The following SCAMP1 variants were observed in gnomAD, a reference collection of about 807,000 sequenced individuals.
SCAMP1 encodes the protein secretory carrier-associated membrane protein 1.
SCAMP1 carries 15 observed loss-of-function variants against 41.8 expected under a neutral mutation model. The observed-to-expected ratio is 0.36, with a 90% CI of 0.24 to 0.55. The LOEUF (loss-of-function observed/expected upper bound fraction) is 0.55. SCAMP1 is among the 20% of genes least tolerant of loss of function. The probability of loss-of-function intolerance (pLI) is 0.86; values close to 1 mark genes in which losing one functional copy is unlikely to be tolerated. For missense variants in SCAMP1, 341 were observed against 412.6 expected (o/e 0.83, Z 1.50); for synonymous variants, 135 against 136.8 (o/e 0.99, Z 0.09).
At chr5:78,427,875 CT>C (rs1158531545) in intron 6 of SCAMP1, among the ~76,000 whole-genome samples, 4 of 152,030 alleles carry the variant, frequency 2.6e-5, no homozygotes, top group African/African-American at 9.6e-5. Flanking sequence ...TTTAAAAATT[CT>C]GTTGTTGACT....
At chr5:78,380,428 C>G (rs992412394) in intron 1 of SCAMP1, among the ~76,000 whole-genome samples, 2 of 152,192 alleles carry the variant, frequency 1.3e-5, no homozygotes, top group Non-Finnish European at 2.9e-5. Flanking sequence ...ATGAGAATGC[C>G]TGCTTCCTTA....
At chr5:78,411,434 A>C (rs1752071867) in intron 2 of SCAMP1, among the ~76,000 whole-genome samples, 1 of 152,214 alleles carries the variant, frequency 6.6e-6, no homozygotes, top group Non-Finnish European at 1.5e-5. Flanking sequence ...GAGATTTTAA[A>C]AATACAAGAA....
chr5:78,380,713 A>G (rs1221841960), intron 1 of SCAMP1, among the ~76,000 whole-genome samples: 3 of 152,170 alleles, frequency 2.0e-5, no homozygotes, highest in Non-Finnish European at 2.9e-5. Flanking sequence ...ATCACCAGGC[A>G]TGTATGATTA....
intron 8 of SCAMP1, among the ~76,000 whole-genome samples, chr5:78,463,420 T>C (rs898664319): frequency 2.0e-5 from 3 of 152,252 alleles, no homozygotes; most frequent in Non-Finnish European, 4.4e-5. Context: ...TTTCAGTTTC[T>C]TCTCTACCTA....
intron 2 of SCAMP1, among the ~76,000 whole-genome samples, chr5:78,394,494 CAGG>C (rs1751599715): frequency 1.3e-5 from 2 of 152,164 alleles, no homozygotes; most frequent in Non-Finnish European, 2.9e-5. Context: ...AAATGGATTA[CAGG>C]CATGAACCAC....
chr5:78,418,993 C>G (rs1207910122), intron 5 of SCAMP1, 90 bp downstream of exon 5: 8 of 1,088,194 alleles, frequency 7.4e-6, no homozygotes, highest in Non-Finnish European at 9.1e-6. Context: ...TATAGCAAAC[C>G]AGTCTTCTTT....
At chr5:78,412,600 A>G (rs567315266) in intron 2 of SCAMP1, among the ~76,000 whole-genome samples, 69 of 152,018 alleles carry the variant, frequency 4.5e-4, no homozygotes, top group African/African-American at 1.6e-3. Context: ...GTATTGTCAG[A>G]GTTTGTTTTT....
intron 1 of SCAMP1, among the ~76,000 whole-genome samples, chr5:78,379,721 G>A (rs766585039): frequency 2.0e-5 from 3 of 152,180 alleles, no homozygotes; most frequent in Admixed American, 6.5e-5. Context: ...TATTTAAGGT[G>A]AATTTTAGCA....
intron 7 of SCAMP1, among the ~76,000 whole-genome samples, chr5:78,454,654 T>A (rs1753337591): frequency 6.6e-6 from 1 of 152,156 alleles, no homozygotes; most frequent in Admixed American, 6.5e-5. Context: ...CTTTTTTGGT[T>A]GTGTCTCTGC....
intron 6 of SCAMP1, among the ~76,000 whole-genome samples, chr5:78,427,404 G>A (rs1253524083): frequency 2.0e-5 from 3 of 152,054 alleles, no homozygotes; most frequent in Non-Finnish European, 4.4e-5. Flanking sequence ...CTCCTGCTAG[G>A]CCCCACCTCC....
intron 1 of SCAMP1, among the ~76,000 whole-genome samples, chr5:78,370,232 C>T (rs1750910011): frequency 6.6e-6 from 1 of 152,120 alleles, no homozygotes; most frequent in Non-Finnish European, 1.5e-5. Flanking sequence ...GTATTTAGAC[C>T]TACAGTTTTT....
chr5:78,431,144 A>AT (rs1752610559), intron 6 of SCAMP1, among the ~76,000 whole-genome samples: 1 of 152,054 alleles, frequency 6.6e-6, no homozygotes, highest in South Asian at 2.1e-4. Flanking sequence ...ATAAGAAACC[A>AT]TATAGATATA....
intron 2 of SCAMP1, among the ~76,000 whole-genome samples, chr5:78,391,648 A>G (rs1391259613): frequency 3.3e-5 from 5 of 152,160 alleles, no homozygotes; most frequent in African/African-American, 9.6e-5. Context: ...TGGGAGGCCA[A>G]GGCAGGCGGC....
At chr5:78,468,718 C>G (rs1753801606) in intron 8 of SCAMP1, among the ~76,000 whole-genome samples, 1 of 152,056 alleles carries the variant, frequency 6.6e-6, no homozygotes, top group African/African-American at 2.4e-5. Context: ...TGTTTCAAAT[C>G]TTGTTTATTT....
intron 8 of SCAMP1, among the ~76,000 whole-genome samples, chr5:78,467,316 G>A (rs1441971982): frequency 6.6e-6 from 1 of 152,208 alleles, no homozygotes; most frequent in African/African-American, 2.4e-5. Context: ...GTTGAGGAAT[G>A]TGTGGCACAG....
intron 2 of SCAMP1, among the ~76,000 whole-genome samples, chr5:78,392,321 G>C (rs574385479): frequency 2.1e-4 from 32 of 152,264 alleles, no homozygotes; most frequent in Non-Finnish European, 3.4e-4. Context: ...CTGAGACACA[G>C]GTCAGCTAGC....
intron 6 of SCAMP1, among the ~76,000 whole-genome samples, chr5:78,442,018 A>G (rs1390637985): frequency 6.6e-6 from 1 of 151,688 alleles, no homozygotes; most frequent in Non-Finnish European, 1.5e-5. Context: ...AGTCCCAGCT[A>G]CTCGGGAGGC....
intron 2 of SCAMP1, among the ~76,000 whole-genome samples, chr5:78,408,004 T>G (rs551825473): frequency 1.3e-5 from 2 of 152,308 alleles, no homozygotes; most frequent in East Asian, 3.9e-4. Flanking sequence ...TTGTGGTTTG[T>G]TTCCTCATAG....
chr5:78,473,870 A>G (rs1337823209), intron 8 of SCAMP1, among the ~76,000 whole-genome samples: 2 of 152,162 alleles, frequency 1.3e-5, no homozygotes, highest in African/African-American at 4.8e-5. Context: ...GGCTGCTATA[A>G]CAAAAATACC....
Sources: gnomAD v4.1 joint callset for allele counts (sites outside exome capture counted in the v4.1 genomes callset) on GRCh38, gnomAD v4.1.1 for gene constraint, MANE v1.5 for transcripts, NCBI Gene and HGNC (gene_info 2026-07-23, HGNC 2026-07-21) for gene names.